GALNT17: variants seen among roughly 807,000 people sequenced by gnomAD.
GALNT17 encodes UDP-GalNAc:polypeptide N-acetylgalactosaminyltransferase-like 3.
A neutral mutation model predicts 63.7 loss-of-function variants in GALNT17; 29 were observed. The observed-to-expected ratio is 0.46, with a 90% CI of 0.34 to 0.62. GALNT17 has a LOEUF of 0.62. Ranked by LOEUF, GALNT17 falls within the 20% of genes least tolerant of loss-of-function variation. The pLI, the probability that GALNT17 is intolerant of heterozygous loss-of-function variation, is 0.01. For synonymous variants in GALNT17, 305 were observed against 318.3 expected (o/e 0.96, Z 0.45); for missense variants, 603 against 799.6 (o/e 0.75, Z 2.97).
Position 71,582,509 on chromosome 7 carries a change from A to G in GALNT17, c.1080+11107A>G, listed in dbSNP as rs555152606. On this transcript the variant is annotated intron_variant, in intron 6 of 10. Transcript: ENST00000333538. ...GGAAGGGGAATCTCTTGAACCTGGG[A>G]GGCGGAGGTTGCAGTGAGCTGAGAT... Among the ~76,000 whole-genome samples the G allele has an allele frequency of 8.6e-5, 13 of 151,932 alleles. No homozygotes were observed. The East Asian group carries it at 1.9e-3, about 23-fold the overall frequency.
At chr7:71,140,401 T>C (rs574712091) in intron 1 of GALNT17, among the ~76,000 whole-genome samples, 58 of 152,256 alleles carry the variant, frequency 3.8e-4, no homozygotes, top group African/African-American at 1.4e-3. Flanking sequence ...CCTGAAGAAA[T>C]AGGGAGTCCT....
chr7:71,141,949 A>AGTGATCCTCCT (rs1445657484), intron 1 of GALNT17, among the ~76,000 whole-genome samples: 3 of 146,022 alleles, frequency 2.1e-5, no homozygotes, highest in Non-Finnish European at 3.0e-5. Context: ...CCTGACCTCA[A>AGTGATCCTCCT]GTGATCCTCC....
chr7:71,236,162 A>ACTT (rs1413819541), intron 1 of GALNT17, among the ~76,000 whole-genome samples: 2 of 151,792 alleles, frequency 1.3e-5, no homozygotes, highest in Non-Finnish European at 2.9e-5. Flanking sequence ...GCCTGGGTAG[A>ACTT]CAGAGTGAGA....
intron 6 of GALNT17, among the ~76,000 whole-genome samples, chr7:71,612,999 G>GC (rs1435343367): frequency 6.6e-6 from 1 of 152,144 alleles, no homozygotes; most frequent in Non-Finnish European, 1.5e-5. Context: ...GTGGTTAACG[G>GC]CCCCCCTCTC....
At chr7:71,647,781 C>T (rs1790701332) in intron 6 of GALNT17, among the ~76,000 whole-genome samples, 1 of 152,216 alleles carries the variant, frequency 6.6e-6, no homozygotes, top group African/African-American at 2.4e-5. Flanking sequence ...AGCAGTTCCA[C>T]TCAAGGAAAT....
At chr7:71,550,778 A>C (rs1406770380) in intron 5 of GALNT17, among the ~76,000 whole-genome samples, 3 of 152,208 alleles carry the variant, frequency 2.0e-5, no homozygotes, top group Non-Finnish European at 4.4e-5. Context: ...AATTGATATA[A>C]ATTTAGAAGA....
intron 6 of GALNT17, among the ~76,000 whole-genome samples, chr7:71,610,361 A>G (rs2116951110): frequency 6.6e-6 from 1 of 152,214 alleles, no homozygotes; most frequent in South Asian, 2.1e-4. Flanking sequence ...GCACATCTGT[A>G]GTCTCAGGAC....
chr7:71,532,701 C>G (rs182605379), intron 5 of GALNT17, among the ~76,000 whole-genome samples: 6 of 152,198 alleles, frequency 3.9e-5, no homozygotes, highest in Admixed American at 3.9e-4. Flanking sequence ...GGCTACACTA[C>G]GGGATCTGCT....
chr7:71,576,708 C>A (rs1789544230), intron 6 of GALNT17, among the ~76,000 whole-genome samples: 1 of 152,126 alleles, frequency 6.6e-6, no homozygotes, highest in Admixed American at 6.5e-5. Flanking sequence ...GTAGCTGGGA[C>A]TACAGGCACA....
At chr7:71,586,790 T>C (rs1366526393) in intron 6 of GALNT17, among the ~76,000 whole-genome samples, 1 of 152,142 alleles carries the variant, frequency 6.6e-6, no homozygotes, top group East Asian at 1.9e-4. Context: ...ATTTAATATG[T>C]TCATATAATT....
chr7:71,487,491 C>T (rs571310431), intron 5 of GALNT17, among the ~76,000 whole-genome samples: 35 of 152,194 alleles, frequency 2.3e-4, no homozygotes, highest in Admixed American at 2.0e-3. Flanking sequence ...TCAAGCCAAG[C>T]CTGGATGAGT....
At chr7:71,396,129 T>C (rs1366915372) in intron 3 of GALNT17, among the ~76,000 whole-genome samples, 1 of 152,114 alleles carries the variant, frequency 6.6e-6, no homozygotes, top group Non-Finnish European at 1.5e-5. Context: ...TAAAGTCCAG[T>C]TTTTCTTTTT....
At chr7:71,538,761 C>A (rs10268095) in intron 5 of GALNT17, among the ~76,000 whole-genome samples, 7 of 151,664 alleles carry the variant, frequency 4.6e-5, no homozygotes, top group East Asian at 2.0e-4. Context: ...CTCTTATGTC[C>A]TCTGTTGCTG....
At chr7:71,134,769 T>C (rs912247533) in intron 1 of GALNT17, among the ~76,000 whole-genome samples, 1 of 150,234 alleles carries the variant, frequency 6.7e-6, no homozygotes, top group African/African-American at 2.4e-5. Context: ...AAGGTTAACC[T>C]GGTTTCCCTC....
chr7:71,528,804 G>T (rs1788668004), intron 5 of GALNT17, among the ~76,000 whole-genome samples: 1 of 151,998 alleles, frequency 6.6e-6, no homozygotes, highest in Admixed American at 6.6e-5. Context: ...GAAAGCTTAG[G>T]GAGAAGATGA....
intron 1 of GALNT17, among the ~76,000 whole-genome samples, chr7:71,215,999 A>G (rs1411386676): frequency 6.6e-6 from 1 of 152,084 alleles, no homozygotes; most frequent in Non-Finnish European, 1.5e-5. Flanking sequence ...GCTTGACCCC[A>G]GGAGTTTAAC....
In GALNT17 at chr7:71,673,680, T is replaced by A. The variant is rs774432610; in HGVS notation, c.1405-3531T>A. Among the ~76,000 whole-genome samples, 163 of 152,326 alleles carry A rather than the reference T, an allele frequency of 1.1e-3. 1 individual carries two copies. The highest frequency in any genetic ancestry group is 3.7e-4 in the Non-Finnish European group (25 of 68,024). On this transcript the variant is annotated intron_variant, in intron 8 of 10. Coordinates refer to ENST00000333538, the MANE Select transcript of GALNT17 (RefSeq NM_022479.3). ...CCCAGGCTGGAGTGCAGTGGCACAA[T>A]CTTGGCTCACTGTAGCCTTGAACTC... is the stretch of plus-strand genomic sequence containing the variant.
At chr7:71,451,593 T>G (rs1787263951) in intron 5 of GALNT17, among the ~76,000 whole-genome samples, 1 of 152,172 alleles carries the variant, frequency 6.6e-6, no homozygotes, top group Non-Finnish European at 1.5e-5. Context: ...CTTTTCTCCT[T>G]GGTCTGCTTG....
chr7:71,632,570 G>A (rs1790467506), intron 6 of GALNT17, among the ~76,000 whole-genome samples: 1 of 152,110 alleles, frequency 6.6e-6, no homozygotes, highest in Non-Finnish European at 1.5e-5. Context: ...TAATGCATCT[G>A]TGGGTCTGTG....
Sources: gnomAD v4.1 joint callset for allele counts (sites outside exome capture counted in the v4.1 genomes callset) on GRCh38, gnomAD v4.1.1 for gene constraint, MANE v1.5 for transcripts, NCBI Gene and HGNC (gene_info 2026-07-23, HGNC 2026-07-21) for gene names.